CYP26B1: variants seen among roughly 807,000 people sequenced by gnomAD.
CYP26B1 encodes cytochrome P450 family 26 subfamily B member 1, also known as cytochrome P450 26B1.
In CYP26B1, 8 loss-of-function variants were observed where a neutral mutation model predicts 39.1. The observed-to-expected ratio is 0.20, with a 90% CI of 0.12 to 0.37. The LOEUF is 0.37. CYP26B1 is among the 10% of genes least tolerant of loss of function. The pLI, the probability that CYP26B1 is intolerant of heterozygous loss-of-function variation, is 1.00. For synonymous variants in CYP26B1, 321 were observed against 314.3 expected, an observed-to-expected ratio of 1.02 and a Z score of -0.23; for missense variants, 615 against 707.0, an observed-to-expected ratio of 0.87 and a Z score of 1.48.
chr2:72,132,589 T>C lies in CYP26B1; in HGVS notation c.1177A>G (p.Met393Val), dbSNP rs1206134664. 1 of 1,611,652 alleles carries C rather than the reference T, an allele frequency of 6.2e-7. No homozygotes were observed. Among genetic ancestry groups the C allele is most frequent in the Non-Finnish European group, 8.5e-7 (1 of 1,179,272 alleles). Reference sequence around the variant, plus strand: ...TCATGGGTGTCCCGGATGCTATACATGACACTCCAGCCTTTGGGGATCTGG... The same window carrying C: ...TCATGGGTGTCCCGGATGCTATACACGACACTCCAGCCTTTGGGGATCTGG... ...GFQIPKGWSV[M>V]YSIRDTHDTA... The change falls in exon 6 of 6, where the codon ATG becomes GTG. Residue 393 changes from methionine to valine, a missense_variant. By Grantham distance (21) the Met-to-Val change is conservative. Transcript: ENST00000001146.
chr2:72,134,278 G>T (rs1328648976), intron 4 of CYP26B1, among the ~76,000 whole-genome samples: 2 of 150,876 alleles, frequency 1.3e-5, no homozygotes, highest in Admixed American at 6.6e-5. Context: ...AGCAGGTCCT[G>T]CGTGGAGCAC....
At position 72,129,595 on chromosome 2, in the gene CYP26B1, G is replaced by A. The variant is rs1676493394; in HGVS notation, c.*2632C>T. 6.7e-6 allele frequency: 1 copy of A among 149,432 alleles called. No individual in the cohort carries two copies. The highest frequency in any genetic ancestry group is 6.7e-5 in the Admixed American group (1 of 14,892). The allele number at this position is 149,432 out of a possible 1,614,324, so 9.3% of individuals were successfully genotyped here. A position where few individuals can be genotyped will look rare whatever the true frequency, so the allele number is the denominator to read the frequency against. ...GTACTTATAATAGTTTATAAAGACA[G>A]ACACAAAATTATAACATTTATGAAA... On this transcript the variant is annotated 3_prime_UTR_variant, in exon 6 of 6. Transcript: ENST00000001146.
rs759561625 is a variant in CYP26B1 at position 72,132,191 on chromosome 2, G to C, written c.*36C>G. ...TTCTACCTCCCACAACCACCACCCC[G>C]CTGCCTGGGCTGGGCTGAGGCGGGT... is the stretch of plus-strand genomic sequence containing the variant. On this transcript the variant is annotated 3_prime_UTR_variant, in exon 6 of 6. Transcript: ENST00000001146. The C allele has an allele frequency of 6.3e-7, 1 of 1,581,138 alleles. No homozygotes were observed. Among genetic ancestry groups the C allele is most frequent in the Non-Finnish European group, 8.6e-7 (1 of 1,164,146 alleles).
intron 1 of CYP26B1, chr2:72,144,597 G>T: frequency 2.8e-6 from 2 of 718,694 alleles, no homozygotes; most frequent in Non-Finnish European, 3.4e-6. Context: ...TCCGGGCCAC[G>T]GGCTGGCGAG....
rs1011196406 is a variant in CYP26B1, at chr2:72,144,463, A to G, written c.205-250T>C. 2.2e-4 allele frequency: 283 copies of G among 1,301,022 alleles called. 1 individual carries two copies. In the African/African-American group the frequency reaches 3.6e-3, roughly 17 times the overall value. The allele number at this position is 1,301,022 out of a possible 1,614,324, so 80.6% of individuals were successfully genotyped here. ...ACCCCCAGGAGGCTGTTTTTTGGTA[A>G]TGACTTTCGAGAGGAAAGAGGTATC... On this transcript the variant is annotated intron_variant, in intron 1 of 5. Transcript: ENST00000001146.
intron 3 of CYP26B1, 109 bp from the exon 4 acceptor site, chr2:72,135,025 C>T (rs1215513931): frequency 6.3e-7 from 1 of 1,599,956 alleles, no homozygotes; most frequent in East Asian, 2.2e-5. Flanking sequence ...ACACCTCTCC[C>T]CTTTGTCCAT....
Position 72,132,099 on chromosome 2 carries a change from G to A in CYP26B1, c.*128C>T. ...TTTGGGTAGGGTTTGCCAGGGAGGG[G>A]GAGCAAGGGAGGGCAAGTATGGGGG... On this transcript the variant is annotated 3_prime_UTR_variant, in exon 6 of 6. Transcript: ENST00000001146. The A allele has an allele frequency of 9.1e-7, 1 of 1,100,720 alleles. No individual in the cohort carries two copies. Among genetic ancestry groups the A allele is most frequent in the East Asian group, 2.6e-5 (1 of 38,416 alleles). The allele number at this position is 1,100,720 out of a possible 1,614,324, so 68.2% of individuals were successfully genotyped here.
At chr2:72,141,065 C>T (rs1676928326) in intron 2 of CYP26B1, among the ~76,000 whole-genome samples, 1 of 152,186 alleles carries the variant, frequency 6.6e-6, no homozygotes, top group Non-Finnish European at 1.5e-5. Context: ...TAGAACCATT[C>T]TCTAGCTCCT....
chr2:72,135,127 A>G lies in CYP26B1; in HGVS notation c.705+17T>C, dbSNP rs1239201369. On this transcript the variant is annotated intron_variant, in intron 3 of 5. Transcript: ENST00000001146. Reference sequence around the variant, plus strand: ...TGGATGCCCCTGCTCCTCTCCTCCCAGGCCCTGGGTGCTCACCCGCCGGTA... The same window carrying G: ...TGGATGCCCCTGCTCCTCTCCTCCCGGGCCCTGGGTGCTCACCCGCCGGTA... The G allele has an allele frequency of 6.2e-7, 1 of 1,611,910 alleles. No individual in the cohort carries two copies. The highest frequency in any genetic ancestry group is 1.1e-5 in the South Asian group (1 of 91,018).
chr2:72,135,777 A>G (rs1676755218), intron 2 of CYP26B1, among the ~76,000 whole-genome samples: 1 of 152,194 alleles, frequency 6.6e-6, no homozygotes. Context: ...GGGGTACAGC[A>G]AGAGAGCCTG....
At position 72,134,757 on chromosome 2, in the gene CYP26B1, C is replaced by G; in HGVS notation, c.861+4G>C. ...TGCCCGTGAGGGGCACACGCCCACC[C>G]CACCTTCAGCTCCTGCATGGTCATC... On this transcript the variant is annotated splice_donor_region_variant and intron_variant, in intron 4 of 5. Coordinates refer to ENST00000001146, the MANE Select transcript of CYP26B1 (RefSeq NM_019885.4). 6.2e-7 allele frequency: 1 copy of G among 1,612,334 alleles called. No homozygotes were observed. The highest frequency in any genetic ancestry group is 1.1e-5 in the South Asian group (1 of 90,740).
intron 2 of CYP26B1, among the ~76,000 whole-genome samples, chr2:72,140,636 G>A (rs1357649118): frequency 2.6e-5 from 4 of 152,210 alleles, no homozygotes; most frequent in South Asian, 2.1e-4. Flanking sequence ...CCCCACAACC[G>A]TGGGTCCTCC....
At position 72,134,804 on chromosome 2, in the gene CYP26B1, C is replaced by T. The variant is rs1676710351; in HGVS notation, c.818G>A (p.Ser273Asn). 10 of 1,614,178 alleles carry T rather than the reference C, an allele frequency of 6.2e-6. No homozygotes were observed. In the East Asian group the frequency reaches 2.2e-4, roughly 36 times the overall value. ...YLDALDLLIESSKEHGKEMTM... is the reference protein window; with the variant it reads ...YLDALDLLIENSKEHGKEMTM... ...CATCTCCTTCCCGTGCTCCTTGCTG[C>T]TCTCAATGAGGAGGTCCAGGGCGTC... Residue 273 changes from serine (S) to asparagine (N), a missense_variant, in exon 4 of 6, where the codon AGC (serine) becomes AAC (asparagine). Transcript: ENST00000001146.
chr2:72,132,750 GC>G (rs1417298392), intron 5 of CYP26B1, 131 bp from the exon 6 acceptor site: 1 of 1,473,894 alleles, frequency 6.8e-7, no homozygotes, highest in Non-Finnish European at 9.0e-7. Context: ...CCCCACTGTG[GC>G]CCCCAAGGCC....
intron 1 of CYP26B1, 104 bp from the exon 2 acceptor site, chr2:72,144,317 TC>T: frequency 1.3e-6 from 2 of 1,511,106 alleles, no homozygotes; most frequent in Non-Finnish European, 1.8e-6. Context: ...CTGCCCCCTC[TC>T]CCCACCAAAC....
At chr2:72,144,247 G>A in intron 1 of CYP26B1, 34 bp from the exon 2 acceptor site, 2 of 1,569,832 alleles carry the variant, frequency 1.3e-6, no homozygotes, top group Non-Finnish European at 1.7e-6. Context: ...CTCTCAGGGT[G>A]CACTTCTGCA....
At position 72,147,098 on chromosome 2, in the gene CYP26B1, G is replaced by C. The variant is rs1039371204; in HGVS notation, c.204+533C>G. On this transcript the variant is annotated intron_variant, in intron 1 of 5. Transcript: ENST00000001146. The surrounding 1 kb of genome is among the most constrained non-coding windows in gnomAD (Gnocchi z 6.1). ...AAACAGACACACTCGCGCGGACCGC[G>C]GACCAGGGACACTGTACCTGGCGCT... 6.6e-6 allele frequency among the ~76,000 whole-genome samples: 1 copy of C among 152,192 alleles called. No homozygotes were observed.
In CYP26B1 at chr2:72,134,819, T is replaced by G; in HGVS notation, c.803A>C (p.Asp268Ala). 1 of 1,614,122 alleles carries G rather than the reference T, an allele frequency of 6.2e-7. No individual in the cohort carries two copies. The highest frequency in any genetic ancestry group is 8.5e-7 in the Non-Finnish European group (1 of 1,179,998). Residue 268 changes from aspartate (D) to alanine (A), a missense_variant, in exon 4 of 6, where the codon GAC becomes GCC. Physicochemically the swap from Asp to Ala is moderately radical, Grantham distance 126. Coordinates refer to ENST00000001146, the MANE Select transcript of CYP26B1 (RefSeq NM_019885.4). ...TQGKDYLDAL[D>A]LLIESSKEHG... The stretch of plus-strand genomic sequence containing the variant: ...CTCCTTGCTGCTCTCAATGAGGAGG[T>G]CCAGGGCGTCCAAGTAGTCCTTGCC...
chr2:72,129,261 G>C lies in CYP26B1; in HGVS notation c.*2966C>G, dbSNP rs1351584127. 1.3e-5 allele frequency: 2 copies of C among 152,374 alleles called. No homozygotes were observed. The highest frequency in any genetic ancestry group is 4.8e-5 in the African/African-American group (2 of 41,456). 9.4% of individuals were successfully genotyped at this position (152,374 alleles called of 1,614,324 possible). On this transcript the variant is annotated 3_prime_UTR_variant, in exon 6 of 6. Coordinates refer to ENST00000001146, the MANE Select transcript of CYP26B1 (RefSeq NM_019885.4). ...GGGCGGGTCCCCACGGTTTATTCTA[G>C]AAGCCTATAGAAGAGCCACATTGAG...
Sources: gnomAD v4.1 joint callset for allele counts (sites outside exome capture counted in the v4.1 genomes callset) on GRCh38, gnomAD v4.1.1 for gene constraint, Gnocchi (gnomAD v3.1) non-coding constraint, MANE v1.5 for transcripts, NCBI Gene and HGNC (gene_info 2026-07-23, HGNC 2026-07-21) for gene names.